Variants in ANKMY1 observed in about 807,000 individuals in gnomAD.
The protein encoded by ANKMY1 is ankyrin repeat and MYND domain-containing protein 1.
In ANKMY1, 98 loss-of-function variants were observed where a neutral mutation model predicts 102.0. The observed-to-expected ratio is 0.96, with a 90% CI of 0.82 to 1.14. The LOEUF is 1.14. ANKMY1 is among the 50% of genes most tolerant of loss of function. ANKMY1 has a pLI of 0.00. For synonymous variants in ANKMY1, 582 were observed against 559.9 expected (o/e 1.04, Z -0.56); for missense variants, 1,330 against 1,347.6 (o/e 0.99, Z 0.20).
At chr2:240,469,807 CAT>C in the ANKMY1 span, among the ~76,000 whole-genome samples, 1 of 152,082 alleles carries the variant, frequency 6.6e-6, no homozygotes, top group African/African-American at 2.4e-5. Flanking sequence ...CACTCCTACA[CAT>C]GTACACACAT....
chr2:240,532,412 G>A (rs1482743581), intron 4 of ANKMY1, among the ~76,000 whole-genome samples: 1 of 152,128 alleles, frequency 6.6e-6, no homozygotes, highest in African/African-American at 2.4e-5. Context: ...AATTCTAAGG[G>A]TATTCTTCAG....
chr2:240,542,234 A>C (rs1350808023), intron 4 of ANKMY1, among the ~76,000 whole-genome samples: 3 of 151,530 alleles, frequency 2.0e-5, no homozygotes, highest in South Asian at 4.2e-4. Flanking sequence ...AGGGCCAGGC[A>C]TAGTGGCTCA....
rs749643655 is a variant in ANKMY1 at position 240,552,948 on chromosome 2, T to C, written c.446A>G (p.Tyr149Cys). ...CCGTGTCTTCATGTACATGGTGCCG[T>C]AGCCTTCTCGGTGGCTGAGGTAAAA... is the stretch of plus-strand genomic sequence containing the variant. Reference protein sequence around the residue: ...GTFYLSHREGYGTMYMKTRLF... With the variant: ...GTFYLSHREGCGTMYMKTRLF... The change falls in exon 4 of 18, where the codon TAC becomes TGC. Residue 149 changes from tyrosine to cysteine, a missense_variant. Tyr to Cys is a radical substitution (Grantham distance 194). Coordinates refer to ENST00000401804, the MANE Select transcript of ANKMY1 (RefSeq NM_001282771.3). The C allele has an allele frequency of 9.9e-6, 16 of 1,613,964 alleles. No homozygotes were observed. The highest frequency in any genetic ancestry group is 1.6e-4 in the Middle Eastern group (1 of 6,062).
intron 1 of ANKMY1, 145 bp from the exon 2 acceptor site, chr2:240,557,497 CA>C (rs2092505312): frequency 1.1e-6 from 1 of 905,344 alleles, no homozygotes; most frequent in East Asian, 3.2e-5. Context: ...CCGCCACCCA[CA>C]GGTCCCGGAC....
In ANKMY1 at chr2:240,554,987, C is replaced by G; in HGVS notation, c.215G>C (p.Arg72Thr). Residue 72 changes from arginine to threonine, a missense_variant, in exon 3 of 18, where the codon AGG (arginine) becomes ACG (threonine). By Grantham distance (71) the Arg-to-Thr change is moderately conservative. Coordinates refer to ENST00000401804, the MANE Select transcript of ANKMY1 (RefSeq NM_001282771.3). Reference sequence around the variant, plus strand: ...CTGGACGAGCTGGATGTAGGACTCCCTCAGGTCCTGCGCCCTCAGCGGGCC... The same window carrying G: ...CTGGACGAGCTGGATGTAGGACTCCGTCAGGTCCTGCGCCCTCAGCGGGCC... ...AEGPLRAQDL[R>T]ESYIQLVQGV... The G allele has an allele frequency of 6.2e-7, 1 of 1,614,196 alleles. No homozygotes were observed. Among genetic ancestry groups the G allele is most frequent in the Non-Finnish European group, 8.5e-7 (1 of 1,180,030 alleles).
rs371021804 is a variant in ANKMY1 at position 240,524,257 on chromosome 2, G to A, written c.1460C>T (p.Ala487Val). ...QGSYELRPPP[A>V]PLLLPRVSGS... is the part of the protein sequence containing the mutation. ...TGAGACGCGTGGCAGGAGCAGTGGT[G>A]CTGGCGGTGGCCTCAGCTCATAGCT... Residue 487 changes from alanine (A) to valine (V), a missense_variant, in exon 8 of 18, where the codon GCA (alanine) becomes GTA (valine). Ala to Val is a moderately conservative substitution (Grantham distance 64, BLOSUM62 0). Transcript: ENST00000401804. 3 of 1,613,738 alleles carry A rather than the reference G, an allele frequency of 1.9e-6. No individual in the cohort carries two copies. The highest frequency in any genetic ancestry group is 2.7e-5 in the African/African-American group (2 of 74,930).
At chr2:240,555,216 C>T (rs1376413833) in intron 2 of ANKMY1, 161 bp from the exon 3 acceptor site, 1 of 737,628 alleles carries the variant, frequency 1.4e-6, no homozygotes, top group Non-Finnish European at 2.2e-6. Flanking sequence ...AAAACCGAGG[C>T]ACAGAGGGTG....
rs369011359 is a variant in ANKMY1, at chr2:240,509,369, G to A, written c.2373C>T (p.Ser791=). Reference sequence around the variant, plus strand: ...TCACCAGCTCATTCCCACTGGCAATGGACAGGGAGAGCGGGGAGTGGCCAC... The same window carrying A: ...TCACCAGCTCATTCCCACTGGCAATAGACAGGGAGAGCGGGGAGTGGCCAC... ...LWSGHSPLSL[S]IASGNELVVK... The change falls in exon 12 of 18, where the codon TCC becomes TCT. Residue 791 remains serine (S), a synonymous_variant. Coordinates refer to ENST00000401804, the MANE Select transcript of ANKMY1 (RefSeq NM_001282771.3). The A allele has an allele frequency of 6.2e-7, 1 of 1,613,562 alleles. No individual in the cohort carries two copies. The highest frequency in any genetic ancestry group is 8.5e-7 in the Non-Finnish European group (1 of 1,179,688).
At chr2:240,540,685 ATT>A (rs2088503064) in intron 4 of ANKMY1, among the ~76,000 whole-genome samples, 1 of 152,164 alleles carries the variant, frequency 6.6e-6, no homozygotes, top group Non-Finnish European at 1.5e-5. Context: ...GCAGCACCTG[ATT>A]AAAGCCTTCT....
intron 13 of ANKMY1, among the ~76,000 whole-genome samples, chr2:240,505,226 C>A (rs2078865457): frequency 6.6e-6 from 1 of 151,966 alleles, no homozygotes; most frequent in African/African-American, 2.4e-5. Context: ...CTTTGGGAGG[C>A]TGAGGCGGGC....
At chr2:240,477,830 AAC>A (rs2074956228), downstream of ANKMY1, among the ~76,000 whole-genome samples, 1 of 151,720 alleles carries the variant, frequency 6.6e-6, no homozygotes, top group African/African-American at 2.4e-5. Context: ...CCTAGTTCAG[AAC>A]AGAGAGGATG....
chr2:240,511,625 G>GT (rs1324797205), intron 11 of ANKMY1, among the ~76,000 whole-genome samples: 1 of 152,248 alleles, frequency 6.6e-6, no homozygotes, highest in African/African-American at 2.4e-5. Context: ...AGGCCCTGTG[G>GT]TAAGAAGTAG....
intron 4 of ANKMY1, among the ~76,000 whole-genome samples, chr2:240,538,690 G>A (rs1361016374): frequency 6.6e-6 from 1 of 152,118 alleles, no homozygotes; most frequent in Non-Finnish European, 1.5e-5. Flanking sequence ...ACCTCCCCCA[G>A]TGGCCCTGGC....
At chr2:240,544,547 G>A (rs1429914010) in intron 4 of ANKMY1, among the ~76,000 whole-genome samples, 1 of 152,220 alleles carries the variant, frequency 6.6e-6, no homozygotes, top group East Asian at 1.9e-4. Flanking sequence ...ACAGCTCCGA[G>A]CATAAGCGAC....
At chr2:240,514,206 C>T (rs1178873478) in intron 9 of ANKMY1, among the ~76,000 whole-genome samples, 1 of 152,168 alleles carries the variant, frequency 6.6e-6, no homozygotes, top group Non-Finnish European at 1.5e-5. Context: ...AGCAGAAGCA[C>T]AAAGACATAT....
chr2:240,510,873 T>C (rs956047740), intron 11 of ANKMY1, among the ~76,000 whole-genome samples: 6 of 151,798 alleles, frequency 4.0e-5, no homozygotes, highest in Admixed American at 2.0e-4. Flanking sequence ...GACACAAGTG[T>C]GCGAACAGAA....
At position 240,523,992 on chromosome 2, in the gene ANKMY1, C is replaced by T; in HGVS notation, c.1725G>A (p.Leu575=). The change falls in exon 8 of 18, where the codon CTG becomes CTA. Residue 575 remains leucine, a synonymous_variant. Coordinates refer to ENST00000401804, the MANE Select transcript of ANKMY1 (RefSeq NM_001282771.3). The part of the protein sequence containing the change: ...DFSIELSQAM[L]ERSAQSHSLL... ...AGCTGTGGGACTGGGCGCTTCTCTC[C>T]AGCATGGCCTGCGAGAGCTCGATGG... The T allele has an allele frequency of 6.2e-7, 1 of 1,613,966 alleles. No individual in the cohort carries two copies. The highest frequency in any genetic ancestry group is 1.3e-5 in the African/African-American group (1 of 75,070).
intron 15 of ANKMY1, among the ~76,000 whole-genome samples, chr2:240,493,869 G>C (rs1369469611): frequency 6.6e-6 from 1 of 152,168 alleles, no homozygotes; most frequent in Non-Finnish European, 1.5e-5. Flanking sequence ...TGGAGTAGGT[G>C]GGCAGGCAAA....
chr2:240,558,901 G>A (rs749793119), upstream of ANKMY1, among the ~76,000 whole-genome samples: 6 of 151,974 alleles, frequency 3.9e-5, no homozygotes, highest in Admixed American at 3.9e-4. Context: ...TTAAAAGTTC[G>A]GCATACTACA....
Sources: gnomAD v4.1 joint callset for allele counts (sites outside exome capture counted in the v4.1 genomes callset) on GRCh38, gnomAD v4.1.1 for gene constraint, MANE v1.5 for transcripts, NCBI Gene and HGNC (gene_info 2026-07-23, HGNC 2026-07-21) for gene names.